The following TBC1D23 variants were observed in gnomAD, a reference collection of about 807,000 sequenced individuals.
TBC1D23 encodes the protein HCV non-structural protein 4A-transactivated protein 1.
TBC1D23 carries 55 observed loss-of-function variants against 91.4 expected under a neutral mutation model. The ratio of observed to expected loss-of-function variants is 0.60; its 90% confidence interval spans 0.48 to 0.75. The LOEUF (loss-of-function observed/expected upper bound fraction) is 0.75. Among genes scored for constraint, TBC1D23 ranks in the 30% least tolerant of loss-of-function variants. The pLI is 0.00. For synonymous variants in TBC1D23, 289 were observed against 281.0 expected (o/e 1.03, Z -0.28); for missense variants, 725 against 836.1 (o/e 0.87, Z 1.64).
intron 1 of TBC1D23, among the ~76,000 whole-genome samples, chr3:100,264,640 TAA>T (rs2067543651): frequency 1.3e-5 from 2 of 152,224 alleles, no homozygotes; most frequent in African/African-American, 4.8e-5. Context: ...TTGCTTTTTA[TAA>T]GTTTTTCCTA....
intron 1 of TBC1D23, among the ~76,000 whole-genome samples, chr3:100,278,320 A>G (rs1264665393): frequency 1.3e-5 from 2 of 152,176 alleles, no homozygotes; most frequent in African/African-American, 4.8e-5. Flanking sequence ...CAGATTTTTA[A>G]TGTATGCTGA....
intron 5 of TBC1D23, 23 bp downstream of exon 5, chr3:100,290,724 AT>A (rs766475192): frequency 6.5e-7 from 1 of 1,549,770 alleles, no homozygotes; most frequent in South Asian, 1.2e-5. Flanking sequence ...AAGTAGGAAC[AT>A]TTAATGAAAA....
At chr3:100,300,668 A>AT (rs545213885) in intron 10 of TBC1D23, among the ~76,000 whole-genome samples, 5 of 151,080 alleles carry the variant, frequency 3.3e-5, no homozygotes, top group Non-Finnish European at 7.4e-5. Flanking sequence ...TGCCTGGCTA[A>AT]TTTTTTTTAC....
At chr3:100,280,162 G>C (rs935820753) in intron 2 of TBC1D23, among the ~76,000 whole-genome samples, 2 of 151,748 alleles carry the variant, frequency 1.3e-5, no homozygotes. Context: ...CCCAGGAGGC[G>C]AGGCTACAGT....
intron 1 of TBC1D23, among the ~76,000 whole-genome samples, chr3:100,275,710 C>T (rs893953269): frequency 1.3e-5 from 2 of 152,034 alleles, no homozygotes; most frequent in East Asian, 3.9e-4. Context: ...ACTACTGATA[C>T]TTGTGTTCAA....
intron 1 of TBC1D23, among the ~76,000 whole-genome samples, chr3:100,268,903 C>T (rs2067578665): frequency 6.6e-6 from 1 of 152,168 alleles, no homozygotes; most frequent in South Asian, 2.1e-4. Flanking sequence ...AATCTTATAG[C>T]AAATGCATTG....
chr3:100,290,574 C>T lies in TBC1D23; in HGVS notation c.477-4C>T, dbSNP rs370165963. ...AAAAAAATTTTGCTTCTCTTGTCTT[C>T]TAGGGATTGTTCCCAGAAAGGGAGA... On this transcript the variant is annotated splice_polypyrimidine_tract_variant and splice_region_variant and intron_variant, in intron 4 of 18. Coordinates refer to ENST00000394144, the MANE Select transcript of TBC1D23 (RefSeq NM_001199198.3). 4 of 1,612,308 alleles carry T rather than the reference C, an allele frequency of 2.5e-6. No individual in the cohort carries two copies. In the African/African-American group the frequency reaches 5.3e-5, roughly 22 times the overall value.
intron 1 of TBC1D23, among the ~76,000 whole-genome samples, chr3:100,264,212 C>T (rs543094398): frequency 4.6e-5 from 7 of 152,120 alleles, no homozygotes; most frequent in Middle Eastern, 3.2e-3. Flanking sequence ...CCATGTTGCC[C>T]AGGCTGGCCT....
At chr3:100,312,176 CA>C (rs1705635898) in intron 15 of TBC1D23, among the ~76,000 whole-genome samples, 1 of 152,092 alleles carries the variant, frequency 6.6e-6, no homozygotes. Flanking sequence ...GAAGGTGAAA[CA>C]AAGAAAGTAT....
In TBC1D23 at chr3:100,304,908, G is replaced by A. The variant is rs1559811684; in HGVS notation, c.1306+20G>A. ...TTATGGGTAAGATTTTGATTTATTA[G>A]TTTTTTTCCTCTATGTTTCAGAAGA... On this transcript the variant is annotated intron_variant, in intron 12 of 18. Coordinates refer to ENST00000394144, the MANE Select transcript of TBC1D23 (RefSeq NM_001199198.3). The A allele has an allele frequency of 7.4e-7, 1 of 1,356,834 alleles. No individual in the cohort carries two copies. 84.0% of individuals were successfully genotyped at this position (1,356,834 alleles called of 1,614,324 possible). A position where few individuals can be genotyped will look rare whatever the true frequency, so the allele number is the denominator to read the frequency against.
chr3:100,261,011 C>T lies in TBC1D23; in HGVS notation c.-8C>T. ...CTTTTCGGCAAAGTGACGTGGACGTCAACAGCAATGGCGGAAGGAGAAGAT... is the reference window on the plus strand; with the variant it reads ...CTTTTCGGCAAAGTGACGTGGACGTTAACAGCAATGGCGGAAGGAGAAGAT... On this transcript the variant is annotated 5_prime_UTR_variant, in exon 1 of 19. Coordinates refer to ENST00000394144, the MANE Select transcript of TBC1D23 (RefSeq NM_001199198.3). 6.2e-7 allele frequency: 1 copy of T among 1,613,688 alleles called. No homozygotes were observed. The highest frequency in any genetic ancestry group is 8.5e-7 in the Non-Finnish European group (1 of 1,179,610).
intron 16 of TBC1D23, among the ~76,000 whole-genome samples, chr3:100,318,627 T>C (rs764854243): frequency 6.6e-6 from 1 of 151,938 alleles, no homozygotes; most frequent in Non-Finnish European, 1.5e-5. Context: ...GTAGCAGGAT[T>C]AGAATTGATT....
chr3:100,285,188 TTA>T (rs1189731620), intron 4 of TBC1D23, among the ~76,000 whole-genome samples: 1 of 152,226 alleles, frequency 6.6e-6, no homozygotes, highest in Non-Finnish European at 1.5e-5. Flanking sequence ...CTGGTTTTAA[TTA>T]TAGTCACAGA....
rs149660120 is a variant in TBC1D23 at position 100,285,813 on chromosome 3, C to T, written c.476+2002C>T. ...TTGTTGACTTGCATTTCCCTAATGGCTAATGATGTTGAGCATCTTTTTATG... is the reference window on the plus strand; with the variant it reads ...TTGTTGACTTGCATTTCCCTAATGGTTAATGATGTTGAGCATCTTTTTATG... On this transcript the variant is annotated intron_variant, in intron 4 of 18. Coordinates refer to ENST00000394144, the MANE Select transcript of TBC1D23 (RefSeq NM_001199198.3). Among the ~76,000 whole-genome samples the T allele has an allele frequency of 1.7e-3, 262 of 152,212 alleles. 6 individuals carry two copies. The East Asian group carries it at 0.028, about 16-fold the overall frequency.
chr3:100,298,045 G>A lies in TBC1D23; in HGVS notation c.999G>A (p.Gly333=), dbSNP rs1705336422. The A allele has an allele frequency of 6.2e-7, 1 of 1,611,638 alleles. No homozygotes were observed. The highest frequency in any genetic ancestry group is 1.7e-5 in the Admixed American group (1 of 59,640). ...TCCTTCAAGCGAATCAGCTACAAGG[G>A]GTAAGTAAAGGAAACCCAGTTTGTT... ...SEILQANQLQ[G]EGVRFFVVDC... Residue 333 remains glycine (G), a splice_region_variant and synonymous_variant, in exon 9 of 19, where the codon GGG becomes GGA. Coordinates refer to ENST00000394144, the MANE Select transcript of TBC1D23 (RefSeq NM_001199198.3).
At chr3:100,320,468 G>C (rs1197181521) in intron 17 of TBC1D23, among the ~76,000 whole-genome samples, 1 of 152,044 alleles carries the variant, frequency 6.6e-6, no homozygotes, top group Non-Finnish European at 1.5e-5. Flanking sequence ...AATCTGAAAC[G>C]TAATATACTC....
At chr3:100,271,042 T>G (rs1198474034) in intron 1 of TBC1D23, among the ~76,000 whole-genome samples, 3 of 152,230 alleles carry the variant, frequency 2.0e-5, no homozygotes, top group East Asian at 1.9e-4. Context: ...TGAAGCTGAC[T>G]TAGCTTAGTT....
chr3:100,308,670 C>G (rs1006643831), intron 13 of TBC1D23, among the ~76,000 whole-genome samples: 1 of 152,050 alleles, frequency 6.6e-6, no homozygotes. Flanking sequence ...CATAGCATAC[C>G]TAGAATTTTA....
At chr3:100,306,317 A>G in intron 12 of TBC1D23, 120 bp from the exon 13 acceptor site, 22 of 583,020 alleles carry the variant, frequency 3.8e-5, no homozygotes, top group Non-Finnish European at 5.5e-5. Flanking sequence ...AATACCTGTG[A>G]TTATTTCCTT....
Sources: allele counts gnomAD v4.1 joint callset (sites outside exome capture counted in the v4.1 genomes callset), GRCh38; gene constraint gnomAD v4.1.1; transcripts MANE v1.5; gene names NCBI Gene and HGNC (gene_info 2026-07-23, HGNC 2026-07-21).